The following CREBBP variants were observed in gnomAD, a reference collection of about 807,000 sequenced individuals.
The protein encoded by CREBBP is CREB-binding protein.
Under a neutral mutation model 265.0 loss-of-function variants are expected in CREBBP, and 19 were observed. The observed-to-expected ratio is 0.07, with a 90% CI of 0.05 to 0.11. The LOEUF (loss-of-function observed/expected upper bound fraction) is 0.11. Ranked by LOEUF, CREBBP falls within the 10% of genes least tolerant of loss-of-function variation. CREBBP has a pLI of 1.00. For missense variants in CREBBP, 2,525 were observed against 3,219.0 expected (o/e 0.78, Z 5.22); for synonymous variants, 1,457 against 1,223.7 (o/e 1.19, Z -3.98).
intron 2 of CREBBP, among the ~76,000 whole-genome samples, chr16:3,849,425 GT>G (rs1233905930): frequency 0.039 from 404 of 10,462 alleles, no homozygotes; most frequent in South Asian, 0.1. Flanking sequence ...GTGTGTGTGT[GT>G]GTGTGTGTGT....
Position 3,727,689 on chromosome 16 carries a change from G to T in CREBBP, c.*29C>A. 6.2e-7 allele frequency: 1 copy of T among 1,613,788 alleles called. No individual in the cohort carries two copies. Among genetic ancestry groups the T allele is most frequent in the African/African-American group, 1.3e-5 (1 of 74,968 alleles). ...TTCAGTACAAAAGGTCCAAGAACAT[G>T]AAAGGGAAAAGGTGATGCTCTCACA... On this transcript the variant is annotated 3_prime_UTR_variant, in exon 31 of 31. Coordinates refer to ENST00000262367, the MANE Select transcript of CREBBP (RefSeq NM_004380.3).
intron 10 of CREBBP, 59 bp from the exon 11 acceptor site, chr16:3,777,716 G>T: frequency 6.3e-7 from 1 of 1,588,470 alleles, no homozygotes; most frequent in Non-Finnish European, 8.6e-7. Context: ...TATAATCCTT[G>T]ATTCAGGAAT....
At position 3,726,169 on chromosome 16, in the gene CREBBP, T is replaced by C. The variant is rs1333038148; in HGVS notation, c.*1549A>G. The C allele has an allele frequency of 1.3e-5, 3 of 227,876 alleles. No homozygotes were observed. The highest frequency in any genetic ancestry group is 2.6e-5 in the Non-Finnish European group (3 of 115,352). 14.1% of individuals were successfully genotyped at this position (227,876 alleles called of 1,614,324 possible). Reference sequence around the variant, plus strand: ...GACATGCTGCGCGGCAGCGGCAGGATTTGGGGGGAAGTCAGAAAGCACCTC... The same window carrying C: ...GACATGCTGCGCGGCAGCGGCAGGACTTGGGGGGAAGTCAGAAAGCACCTC... On this transcript the variant is annotated 3_prime_UTR_variant, in exon 31 of 31. Transcript: ENST00000262367.
At chr16:3,841,409 G>A (rs890001887) in intron 2 of CREBBP, among the ~76,000 whole-genome samples, 1 of 151,900 alleles carries the variant, frequency 6.6e-6, no homozygotes. Context: ...GCAATAAGAG[G>A]AAACTTTGTG....
chr16:3,725,528 G>C lies in CREBBP; in HGVS notation c.*2190C>G, dbSNP rs1044123791. 2 of 233,220 alleles carry C rather than the reference G, an allele frequency of 8.6e-6. No homozygotes were observed. The highest frequency in any genetic ancestry group is 2.2e-5 in the African/African-American group (1 of 45,354). The allele number at this position is 233,220 out of a possible 1,614,324, so 14.4% of individuals were successfully genotyped here. A position where few individuals can be genotyped will look rare whatever the true frequency, so the allele number is the denominator to read the frequency against. Reference sequence around the variant, plus strand: ...AGATGAAGAGGACACTGGAGGTTAAGAACCCAGCAGGCCGAGCAGTGGCAG... The same window carrying C: ...AGATGAAGAGGACACTGGAGGTTAACAACCCAGCAGGCCGAGCAGTGGCAG... On this transcript the variant is annotated 3_prime_UTR_variant, in exon 31 of 31. Transcript: ENST00000262367.
chr16:3,789,357 A>C (rs1008223938), intron 5 of CREBBP, among the ~76,000 whole-genome samples: 2 of 152,134 alleles, frequency 1.3e-5, no homozygotes, highest in African/African-American at 2.4e-5. Context: ...CACTGTCCCC[A>C]CTGTCTGAAA....
intron 22 of CREBBP, 58 bp from the exon 23 acceptor site, chr16:3,745,019 AC>A (rs1246976379): frequency 7.8e-7 from 1 of 1,274,832 alleles, no homozygotes; most frequent in African/African-American, 1.5e-5. Context: ...TGTCAAACCA[AC>A]AAAATGCAGC....
At chr16:3,873,040 C>T (rs184039573) in intron 1 of CREBBP, among the ~76,000 whole-genome samples, 8 of 152,324 alleles carry the variant, frequency 5.3e-5, no homozygotes, top group African/African-American at 1.7e-4. Context: ...TTTCTGTACC[C>T]TTTCCTTAAG....
intron 12 of CREBBP, 40 bp downstream of exon 12, chr16:3,774,529 A>G (rs1432114628): frequency 5.3e-5 from 85 of 1,613,200 alleles, no homozygotes; most frequent in Non-Finnish European, 7.2e-5. Context: ...TCCATGTGAG[A>G]GGGAGGGCTA....
At chr16:3,784,957 T>C (rs1295834378) in intron 5 of CREBBP, among the ~76,000 whole-genome samples, 1 of 152,224 alleles carries the variant, frequency 6.6e-6, no homozygotes, top group African/African-American at 2.4e-5. Context: ...AAAATATACC[T>C]ATGAGAAGCA....
intron 23 of CREBBP, 109 bp from the exon 24 acceptor site, chr16:3,740,658 G>A (rs1596813968): frequency 1.6e-6 from 2 of 1,263,180 alleles, no homozygotes; most frequent in East Asian, 2.4e-5. Flanking sequence ...TATTTTAAAG[G>A]ACTAATGTTC....
chr16:3,857,621 A>G (rs1256333557), intron 1 of CREBBP, among the ~76,000 whole-genome samples: 1 of 152,238 alleles, frequency 6.6e-6, no homozygotes, highest in Non-Finnish European at 1.5e-5. Flanking sequence ...ACAGCGATCC[A>G]GTCCCAGGTA....
At chr16:3,869,590 T>C (rs1019461210) in intron 1 of CREBBP, among the ~76,000 whole-genome samples, 35 of 152,222 alleles carry the variant, frequency 2.3e-4, no homozygotes, top group African/African-American at 8.2e-4. Flanking sequence ...GCTATCTTCA[T>C]TTACTCAAAC....
At chr16:3,736,567 G>C (rs1596805303) in intron 27 of CREBBP, 83 bp downstream of exon 27, 3 of 1,559,438 alleles carry the variant, frequency 1.9e-6, no homozygotes, top group Admixed American at 1.7e-5. Context: ...TAATTAACAA[G>C]TATGCGAATG....
chr16:3,736,392 T>G, intron 27 of CREBBP, 189 bp from the exon 28 acceptor site: 1 of 749,922 alleles, frequency 1.3e-6, no homozygotes, highest in East Asian at 2.7e-5. Flanking sequence ...GGAGCCCCTA[T>G]GTGTGCAACA....
At chr16:3,868,797 G>A (rs189690539) in intron 1 of CREBBP, among the ~76,000 whole-genome samples, 14 of 152,330 alleles carry the variant, frequency 9.2e-5, no homozygotes, top group Admixed American at 7.2e-4. Context: ...ACAACTCAGA[G>A]TTCCATGAGG....
At chr16:3,769,061 A>G (rs2052932968) in intron 15 of CREBBP, 113 bp downstream of exon 15, 19 of 1,252,482 alleles carry the variant, frequency 1.5e-5, no homozygotes, top group Non-Finnish European at 2.3e-6. Context: ...ACATTCAAAC[A>G]GAATATTTTA....
intron 1 of CREBBP, among the ~76,000 whole-genome samples, chr16:3,871,195 TCACTCACACACACACA>T (rs1355904014): frequency 2.8e-4 from 22 of 79,208 alleles, no homozygotes; most frequent in South Asian, 5.6e-4. Context: ...TCTCTCTCTC[TCACTCACACACACACA>T]CACACACACA....
At chr16:3,846,932 G>A (rs894289717) in intron 2 of CREBBP, among the ~76,000 whole-genome samples, 17 of 152,152 alleles carry the variant, frequency 1.1e-4, no homozygotes, top group East Asian at 3.8e-4. Context: ...GTTGTTTGTC[G>A]TTAAACCATG....
Sources: gnomAD v4.1 joint callset for allele counts (sites outside exome capture counted in the v4.1 genomes callset) on GRCh38, gnomAD v4.1.1 for gene constraint, MANE v1.5 for transcripts, NCBI Gene and HGNC (gene_info 2026-07-23, HGNC 2026-07-21) for gene names.